Variants in SHANK2 observed in about 807,000 individuals in gnomAD.
The protein encoded by SHANK2 is SH3 and multiple ankyrin repeat domains 2.
Under a neutral mutation model 133.7 loss-of-function variants are expected in SHANK2, and 43 were observed. The ratio of observed to expected loss-of-function variants is 0.32; its 90% CI spans 0.25 to 0.41. The LOEUF (loss-of-function observed/expected upper bound fraction) is 0.41, where lower values mean the gene tolerates loss of function less well. Ranked by LOEUF, SHANK2 falls within the 10% of genes least tolerant of loss-of-function variation. The pLI, the probability that SHANK2 is intolerant of heterozygous loss-of-function variation, is 1.00. For missense variants in SHANK2, 1,994 were observed against 2,235.8 expected, an observed-to-expected ratio of 0.89 and a Z score of 2.18; for synonymous variants, 1,017 against 952.8, an observed-to-expected ratio of 1.07 and a Z score of -1.24.
chr11:71,146,970 CG>C (rs1195856489), intron 3 of SHANK2, 149 bp downstream of exon 3: 27 of 614,544 alleles, frequency 4.4e-5, no homozygotes, highest in Non-Finnish European at 5.3e-5. Context: ...CCTGGGGGGA[CG>C]GGGGCAGAAG....
intron 10 of SHANK2, chr11:70,951,031 T>C: frequency 3.9e-6 from 1 of 259,398 alleles, no homozygotes. Context: ...TGCAAACTTC[T>C]GGACACTCCC....
At chr11:70,936,386 C>A (rs868931737) in intron 10 of SHANK2, among the ~76,000 whole-genome samples, 44 of 152,182 alleles carry the variant, frequency 2.9e-4, no homozygotes, top group Admixed American at 2.0e-3. Flanking sequence ...GTGGCACGTG[C>A]CTGTAGTCCC....
chr11:71,107,758 G>A (rs1247642228), intron 6 of SHANK2, among the ~76,000 whole-genome samples: 3 of 152,198 alleles, frequency 2.0e-5, no homozygotes, highest in African/African-American at 4.8e-5. Context: ...GCAGTGAATT[G>A]AGAGTCTATT....
chr11:70,902,012 G>A (rs190536129), intron 10 of SHANK2, among the ~76,000 whole-genome samples: 287 of 152,318 alleles, frequency 1.9e-3, no homozygotes, highest in African/African-American at 6.2e-3. Flanking sequence ...CAGACCATAC[G>A]AGGGAGCCCT....
chr11:70,476,230 AAACAAC>A (rs1223879693), intron 25 of SHANK2, among the ~76,000 whole-genome samples: 4 of 152,098 alleles, frequency 2.6e-5, no homozygotes, highest in Admixed American at 2.6e-4. Flanking sequence ...TTCTTCTCAA[AAACAAC>A]AACAACAACA....
Position 70,486,285 on chromosome 11 carries a change from C to T in SHANK2, c.4008G>A (p.Glu1336=), listed in dbSNP as rs1279904960. 4 of 1,613,936 alleles carry T rather than the reference C, an allele frequency of 2.5e-6. No individual in the cohort carries two copies. Among genetic ancestry groups the T allele is most frequent in the Admixed American group, 1.7e-5 (1 of 60,010 alleles). The change falls in exon 25 of 26, where the codon GAG becomes GAA. Residue 1336 remains glutamate (E), a synonymous_variant. Transcript: ENST00000601538. The surrounding 1 kb of genome is among the most constrained non-coding windows in gnomAD (Gnocchi z 8.0). ...NALQEEDEKA[E]VEMKPDSSPS... ...GCGAGCTGTCTGGCTTCATCTCCAC[C>T]TCTGCCTTCTCGTCCTCTTCCTGCA...
At chr11:70,874,161 A>C (rs1252848248) in intron 11 of SHANK2, among the ~76,000 whole-genome samples, 1 of 151,892 alleles carries the variant, frequency 6.6e-6, no homozygotes, top group Non-Finnish European at 1.5e-5. Flanking sequence ...ATATCTATCT[A>C]ATCTATCTAC....
chr11:70,474,224 C>T (rs2058633860), intron 25 of SHANK2: 1 of 153,182 alleles, frequency 6.5e-6, no homozygotes, highest in African/African-American at 2.4e-5. Context: ...TATTTTTAGC[C>T]CCTTTCATGT....
chr11:70,924,977 CA>C (rs1195362574), intron 10 of SHANK2, among the ~76,000 whole-genome samples: 3 of 152,166 alleles, frequency 2.0e-5, no homozygotes, highest in African/African-American at 7.2e-5. Flanking sequence ...TCCGGGCTCA[CA>C]GGGGGGCAGA....
At chr11:71,059,441 C>G (rs1200711981) in intron 9 of SHANK2, among the ~76,000 whole-genome samples, 1 of 151,962 alleles carries the variant, frequency 6.6e-6, no homozygotes, top group Non-Finnish European at 1.5e-5. Context: ...GACAGACCAG[C>G]GATCATGGAG....
At chr11:70,911,815 C>T (rs1950195683) in intron 10 of SHANK2, among the ~76,000 whole-genome samples, 1 of 152,070 alleles carries the variant, frequency 6.6e-6, no homozygotes, top group African/African-American at 2.4e-5. Flanking sequence ...GGCGTGGTGG[C>T]TCACACCTGT....
intron 14 of SHANK2, among the ~76,000 whole-genome samples, chr11:70,740,464 C>T (rs1555034486): frequency 1.3e-5 from 2 of 152,144 alleles, no homozygotes; most frequent in East Asian, 3.8e-4. Flanking sequence ...CCTTGAGTTC[C>T]TGAAGCTTCC....
intron 9 of SHANK2, among the ~76,000 whole-genome samples, chr11:71,058,540 T>A (rs1950948332): frequency 6.6e-6 from 1 of 152,230 alleles, no homozygotes; most frequent in East Asian, 1.9e-4. Context: ...TTTTTGGAAG[T>A]GCATTTAAAT....
rs148811283 is a variant in SHANK2, at chr11:71,199,313, G to A, written c.-13+25384C>T. ...CAGCCTCTGCAGATGTGAACAAGCC[G>A]CATATTAAAATAGAAGACTCAGCCA... On this transcript the variant is annotated intron_variant, in intron 2 of 25. Coordinates refer to ENST00000601538, the MANE Select transcript of SHANK2 (RefSeq NM_012309.5). Among the ~76,000 whole-genome samples, 61 of 152,328 alleles carry A rather than the reference G, an allele frequency of 4.0e-4. No individual in the cohort carries two copies. The East Asian group carries it at 8.9e-3, about 22-fold the overall frequency.
intron 14 of SHANK2, among the ~76,000 whole-genome samples, chr11:70,719,475 C>T (rs1220146527): frequency 6.6e-6 from 1 of 152,152 alleles, no homozygotes; most frequent in Non-Finnish European, 1.5e-5. Context: ...TCATGGGTGG[C>T]CTGGCAGATG....
At chr11:70,501,773 A>C in intron 20 of SHANK2, 150 bp downstream of exon 20, 1 of 785,040 alleles carries the variant, frequency 1.3e-6, no homozygotes, top group Non-Finnish European at 2.1e-6. Flanking sequence ...CGCTATCTAC[A>C]CACAGATCCC....
chr11:70,875,263 A>G (rs1949539557), intron 11 of SHANK2, among the ~76,000 whole-genome samples: 2 of 152,148 alleles, frequency 1.3e-5, no homozygotes, highest in Admixed American at 1.3e-4. Flanking sequence ...CCTGGGGCAG[A>G]CAGCGTCACT....
At chr11:71,117,654 A>T (rs567968047) in intron 4 of SHANK2, among the ~76,000 whole-genome samples, 2 of 152,190 alleles carry the variant, frequency 1.3e-5, no homozygotes, top group South Asian at 2.1e-4. Context: ...TACCTCAACA[A>T]TGGGGCCTGG....
chr11:71,063,098 A>C (rs1266695869), intron 9 of SHANK2, among the ~76,000 whole-genome samples: 1 of 151,660 alleles, frequency 6.6e-6, no homozygotes, highest in East Asian at 1.9e-4. Context: ...AAAGACAGGG[A>C]GGGAGGGAAA....
Sources: allele counts gnomAD v4.1 joint callset (sites outside exome capture counted in the v4.1 genomes callset), GRCh38; gene constraint gnomAD v4.1.1; non-coding constraint Gnocchi (gnomAD v3.1); transcripts MANE v1.5; gene names NCBI Gene and HGNC (gene_info 2026-07-23, HGNC 2026-07-21).